FAM3B: variants seen among roughly 807,000 people sequenced by gnomAD.
FAM3B encodes the protein protein FAM3B.
Under a neutral mutation model 28.4 loss-of-function variants are expected in FAM3B, and 29 were observed. That is an observed-to-expected ratio of 1.02 (90% CI 0.76 to 1.39). The LOEUF (loss-of-function observed/expected upper bound fraction) is 1.39, where lower values mean the gene tolerates loss of function less well. Among genes scored for constraint, FAM3B ranks in the 40% most tolerant of loss-of-function variants. FAM3B has a pLI of 0.00. For missense variants in FAM3B, 266 were observed against 293.9 expected (o/e 0.91, Z 0.69); for synonymous variants, 91 against 103.0 (o/e 0.88, Z 0.71).
chr21:41,349,155 A>G (rs965480562), intron 7 of FAM3B, among the ~76,000 whole-genome samples: 1 of 152,218 alleles, frequency 6.6e-6, no homozygotes, highest in Non-Finnish European at 1.5e-5. Context: ...CTGCTGCTGT[A>G]CTAACTGGGC....
chr21:41,345,569 A>G (rs1209467579), intron 4 of FAM3B, 117 bp from the exon 5 acceptor site: 8 of 614,224 alleles, frequency 1.3e-5, no homozygotes, highest in Non-Finnish European at 2.3e-5. Flanking sequence ...TCATTACATC[A>G]GTGGTGTTTG....
upstream of FAM3B, among the ~76,000 whole-genome samples, chr21:41,315,475 C>T (rs368737104): frequency 0.14 from 20,769 of 152,064 alleles, 1,583 homozygotes; most frequent in Admixed American, 0.22. Flanking sequence ...GAGATAAAAG[C>T]CTTACCTCTG....
At chr21:41,343,989 G>A (rs2089031817) in intron 3 of FAM3B, among the ~76,000 whole-genome samples, 1 of 152,124 alleles carries the variant, frequency 6.6e-6, no homozygotes, top group Admixed American at 6.5e-5. Flanking sequence ...TTGTAGTGGT[G>A]CACGCTTGTA....
At chr21:41,352,306 T>C (rs2089128020) in intron 7 of FAM3B, among the ~76,000 whole-genome samples, 1 of 152,018 alleles carries the variant, frequency 6.6e-6, no homozygotes, top group South Asian at 2.1e-4. Context: ...ATGCAGGGGG[T>C]GCCTTCACAA....
At chr21:41,341,259 G>C (rs1402490675) in intron 3 of FAM3B, among the ~76,000 whole-genome samples, 1 of 152,202 alleles carries the variant, frequency 6.6e-6, no homozygotes, top group African/African-American at 2.4e-5. Flanking sequence ...GCACTGATAG[G>C]CATTTCTGAT....
At chr21:41,347,137 A>C in intron 6 of FAM3B, 37 bp downstream of exon 6, 1 of 1,591,032 alleles carries the variant, frequency 6.3e-7, no homozygotes, top group Non-Finnish European at 8.6e-7. Flanking sequence ...GGTGGGCAAG[A>C]GAAGCCAGCT....
intron 1 of FAM3B, among the ~76,000 whole-genome samples, chr21:41,308,953 C>G (rs1020275685): frequency 2.6e-5 from 4 of 152,082 alleles, no homozygotes; most frequent in African/African-American, 9.7e-5. Flanking sequence ...TTGCCCTTGA[C>G]CTGGTGACCT....
Position 41,347,079 on chromosome 21 carries a change from C to T in FAM3B, c.464C>T (p.Thr155Ile), listed in dbSNP as rs1394760471. Residue 155 changes from threonine to isoleucine, a missense_variant, in exon 6 of 8, where the codon ACC (threonine) becomes ATC (isoleucine). Coordinates refer to ENST00000357985, the MANE Select transcript of FAM3B (RefSeq NM_058186.4). The stretch of plus-strand genomic sequence containing the variant: ...CCAAAATCCCTGCTCTTCATGGTGA[C>T]CTATGACGACGGAAGCACAAGGTGA... ...AAPKSLLFMV[T>I]YDDGSTRLNN... The T allele has an allele frequency of 1.2e-6, 2 of 1,614,130 alleles. No individual in the cohort carries two copies. The highest frequency in any genetic ancestry group is 2.2e-5 in the East Asian group (1 of 44,880).
At chr21:41,312,048 G>A (rs2088717489), upstream of FAM3B, among the ~76,000 whole-genome samples, 1 of 152,104 alleles carries the variant, frequency 6.6e-6, no homozygotes, top group Admixed American at 6.5e-5. Context: ...GAACCGCACA[G>A]GAAAGACCCG....
rs560937274 is a variant in FAM3B at position 41,356,571 on chromosome 21, C to T, written c.619-537C>T. 5.3e-5 allele frequency among the ~76,000 whole-genome samples: 8 copies of T among 152,302 alleles called. No individual in the cohort carries two copies. The South Asian group carries it at 1.4e-3, about 28-fold the overall frequency. ...AAGTTAAACCACCATGAGTTGGGGA[C>T]CATCTGTACTCCATAAGCAAGTGTG... is the stretch of plus-strand genomic sequence containing the variant. On this transcript the variant is annotated intron_variant, in intron 7 of 7. Transcript: ENST00000357985.
chr21:41,316,941 G>A (rs2088755026), intron 1 of FAM3B, 43 bp downstream of exon 1: 1 of 1,305,272 alleles, frequency 7.7e-7, no homozygotes, highest in East Asian at 3.0e-5. Flanking sequence ...GGGCGGGGAA[G>A]GAGGACCCCA....
chr21:41,341,350 G>A (rs2089005740), intron 3 of FAM3B, among the ~76,000 whole-genome samples: 1 of 152,184 alleles, frequency 6.6e-6, no homozygotes, highest in South Asian at 2.1e-4. Flanking sequence ...ATTATGATAA[G>A]GCGAGCAGTT....
chr21:41,342,264 G>A (rs1351179125), intron 3 of FAM3B, among the ~76,000 whole-genome samples: 6 of 152,060 alleles, frequency 3.9e-5, no homozygotes, highest in East Asian at 1.9e-4. Flanking sequence ...CCTCGTCCCC[G>A]TCACCTTAGA....
chr21:41,309,573 C>A (rs1364419066), intron 1 of FAM3B, among the ~76,000 whole-genome samples: 1 of 152,226 alleles, frequency 6.6e-6, no homozygotes, highest in African/African-American at 2.4e-5. Context: ...CCAAAACCTG[C>A]AGTGTATGTT....
chr21:41,339,758 G>A (rs532437914), intron 3 of FAM3B, among the ~76,000 whole-genome samples: 5 of 152,314 alleles, frequency 3.3e-5, no homozygotes, highest in Admixed American at 2.0e-4. Flanking sequence ...AGGTTATAAA[G>A]AGTCAGATGT....
At chr21:41,323,129 G>A in intron 2 of FAM3B, 63 bp downstream of exon 2, 1 of 1,583,314 alleles carries the variant, frequency 6.3e-7, no homozygotes, top group Non-Finnish European at 8.6e-7. Context: ...GAGGAGTGGT[G>A]GTTTCTGTCC....
chr21:41,314,205 A>G (rs1280144465), upstream of FAM3B, among the ~76,000 whole-genome samples: 1 of 152,232 alleles, frequency 6.6e-6, no homozygotes, highest in Non-Finnish European at 1.5e-5. Flanking sequence ...CCATGTGAGG[A>G]CACAGTGAGA....
Position 41,316,810 on chromosome 21 carries a change from C to T in FAM3B, c.-70C>T, listed in dbSNP as rs2088753016. Reference sequence around the variant, plus strand: ...GCTGCCCGCCCCTTGCCTTCCTGACCCAGGGGCTCCGCTGGCTGCGGTCGC... The same window carrying T: ...GCTGCCCGCCCCTTGCCTTCCTGACTCAGGGGCTCCGCTGGCTGCGGTCGC... On this transcript the variant is annotated 5_prime_UTR_variant, in exon 1 of 8. Coordinates refer to ENST00000357985, the MANE Select transcript of FAM3B (RefSeq NM_058186.4). The T allele has an allele frequency of 2.8e-6, 4 of 1,409,602 alleles. No homozygotes were observed. The highest frequency in any genetic ancestry group is 3.7e-6 in the Non-Finnish European group (4 of 1,082,646). The allele number at this position is 1,409,602 out of a possible 1,614,324, so 87.3% of individuals were successfully genotyped here. A position where few individuals can be genotyped will look rare whatever the true frequency, so the allele number is the denominator to read the frequency against.
chr21:41,339,704 A>G (rs999898113), intron 3 of FAM3B, among the ~76,000 whole-genome samples: 4 of 152,238 alleles, frequency 2.6e-5, no homozygotes, highest in Non-Finnish European at 5.9e-5. Context: ...TGAAGTTAAA[A>G]AATGTTGTTT....
Sources: gnomAD v4.1 joint callset for allele counts (sites outside exome capture counted in the v4.1 genomes callset) on GRCh38, gnomAD v4.1.1 for gene constraint, MANE v1.5 for transcripts, NCBI Gene and HGNC (gene_info 2026-07-23, HGNC 2026-07-21) for gene names.